Variants in PDP1 observed in about 807,000 individuals in gnomAD.
PDP1 encodes the protein pyruvate dehyrogenase phosphatase catalytic subunit 1.
In PDP1, 14 loss-of-function variants were observed where a neutral mutation model predicts 37.1. The observed-to-expected ratio is 0.38, with a 90% CI of 0.25 to 0.59. The LOEUF (loss-of-function observed/expected upper bound fraction) is 0.59, where lower values mean the gene tolerates loss of function less well. Ranked by LOEUF, PDP1 falls within the 20% of genes least tolerant of loss-of-function variation. PDP1 has a pLI of 0.67. For missense variants in PDP1, 544 were observed against 655.3 expected (o/e 0.83, Z 1.85); for synonymous variants, 251 against 243.3 (o/e 1.03, Z -0.29).
Position 93,922,170 on chromosome 8 carries a change from G to T in PDP1, c.111G>T (p.Ser37=), listed in dbSNP as rs761727112. ...ACAAACATCTCTGTTGTTCCTCATC[G>T]TACATTCCTCAGAGTCGACTGAGAT... ...CHHKHLCCSS[S]YIPQSRLRYT... The change falls in exon 2 of 2, where the codon TCG becomes TCT. Residue 37 remains serine (S), a synonymous_variant. Coordinates refer to ENST00000297598, the MANE Select transcript of PDP1 (RefSeq NM_018444.4). The surrounding 1 kb of genome is among the most constrained non-coding windows in gnomAD (Gnocchi z 4.0). The T allele has an allele frequency of 1.2e-6, 2 of 1,614,102 alleles. No individual in the cohort carries two copies. The highest frequency in any genetic ancestry group is 3.3e-5 in the Admixed American group (2 of 60,018).
At chr8:93,917,711 C>A in intron 1 of PDP1, 1 of 1,105,626 alleles carries the variant, frequency 9.0e-7, no homozygotes, top group South Asian at 1.5e-5. Context: ...ACCCCTTTAT[C>A]CCTCCTCCAT....
chr8:93,923,600 A>T lies in PDP1; in HGVS notation c.1541A>T (p.Tyr514Phe). ...CTTCCTGAAGAGCTTGCTCGAATGT[A>T]CAGAGATGACATTACAATCATTGTA... The part of the protein sequence containing the change: ...LSLPEELARM[Y>F]RDDITIIVVQ... Residue 514 changes from tyrosine (Y) to phenylalanine (F), a missense_variant, in exon 2 of 2, where the codon TAC (tyrosine) becomes TTC (phenylalanine). By Grantham distance (22) the Tyr-to-Phe change is conservative. Around this residue, in one of 5 missense-constraint regions of PDP1, gnomAD observed 159 missense variants for 165.5 expected, o/e 0.96. Coordinates refer to ENST00000297598, the MANE Select transcript of PDP1 (RefSeq NM_018444.4). The surrounding 1 kb of genome is among the most constrained non-coding windows in gnomAD (Gnocchi z 4.3). The T allele has an allele frequency of 6.2e-7, 1 of 1,614,198 alleles. No individual in the cohort carries two copies. Among genetic ancestry groups the T allele is most frequent in the Non-Finnish European group, 8.5e-7 (1 of 1,180,018 alleles).
chr8:93,923,863 C>A lies in PDP1; in HGVS notation c.*190C>A. ...CAGGGTCAGGAGAGTCTGGTCCTGC[C>A]TAGCTCAGATTTCATGGCACCTGCA... is the stretch of plus-strand genomic sequence containing the variant. On this transcript the variant is annotated 3_prime_UTR_variant, in exon 2 of 2. Coordinates refer to ENST00000297598, the MANE Select transcript of PDP1 (RefSeq NM_018444.4). The surrounding 1 kb of genome is among the most constrained non-coding windows in gnomAD (Gnocchi z 4.3). 1.7e-6 allele frequency: 1 copy of A among 589,290 alleles called. No individual in the cohort carries two copies. Among genetic ancestry groups the A allele is most frequent in the Non-Finnish European group, 3.1e-6 (1 of 318,690 alleles). The allele number at this position is 589,290 out of a possible 1,614,324, so 36.5% of individuals were successfully genotyped here.
rs777354361 is a variant in PDP1 at position 93,922,366 on chromosome 8, G to A, written c.307G>A (p.Gly103Ser). The A allele has an allele frequency of 3.0e-5, 49 of 1,613,982 alleles. No homozygotes were observed. Among genetic ancestry groups the A allele is most frequent in the South Asian group, 1.2e-4 (11 of 91,066 alleles). The stretch of plus-strand genomic sequence containing the variant: ...CAGTTTCAAAGTGCCAGAATTTGAC[G>A]GCAAAAATGTCAGTTCTATCCTTGG... ...EYSFKVPEFDGKNVSSILGFD... is the reference protein window; with the variant it reads ...EYSFKVPEFDSKNVSSILGFD... The change falls in exon 2 of 2, where the codon GGC (glycine) becomes AGC (serine). Residue 103 changes from glycine to serine, a missense_variant. By Grantham distance (56) the Gly-to-Ser change is moderately conservative (BLOSUM62 0). This residue lies in a region of PDP1 where 342 missense variants were observed against 414.0 expected (regional missense o/e 0.83). Coordinates refer to ENST00000297598, the MANE Select transcript of PDP1 (RefSeq NM_018444.4). This position sits in a 1 kb window ranked among gnomAD's most constrained non-coding sequence, Gnocchi z 4.0.
chr8:93,922,850 T>G lies in PDP1; in HGVS notation c.791T>G (p.Val264Gly). 6.2e-7 allele frequency: 1 copy of G among 1,614,236 alleles called. No individual in the cohort carries two copies. The highest frequency in any genetic ancestry group is 1.1e-5 in the South Asian group (1 of 91,086). Residue 264 changes from valine to glycine, a missense_variant, in exon 2 of 2, where the codon GTG (valine) becomes GGG (glycine). Coordinates refer to ENST00000297598, the MANE Select transcript of PDP1 (RefSeq NM_018444.4). The surrounding 1 kb of genome is among the most constrained non-coding windows in gnomAD (Gnocchi z 4.0). ...CCTAATTCTTTTCTCAACTACCTGGTGCTTCGAGTGGCATTTTCTGGAGCC... is the reference window on the plus strand; with the variant it reads ...CCTAATTCTTTTCTCAACTACCTGGGGCTTCGAGTGGCATTTTCTGGAGCC... Reference protein sequence around the residue: ...GDPNSFLNYLVLRVAFSGATA... With the variant: ...GDPNSFLNYLGLRVAFSGATA...
Position 93,922,497 on chromosome 8 carries a change from T to C in PDP1, c.438T>C (p.His146=). 1 of 1,614,112 alleles carries C rather than the reference T, an allele frequency of 6.2e-7. No homozygotes were observed. Among genetic ancestry groups the C allele is most frequent in the East Asian group, 2.2e-5 (1 of 44,890 alleles). ...RGMLLGVFDG[H]AGCACSQAVS... The stretch of plus-strand genomic sequence containing the variant: ...TGCTTTTGGGGGTTTTTGATGGCCA[T>C]GCAGGTTGTGCTTGTTCCCAGGCAG... Residue 146 remains histidine (H), a synonymous_variant, in exon 2 of 2, where the codon CAT becomes CAC. Transcript: ENST00000297598. This position sits in a 1 kb window ranked among gnomAD's most constrained non-coding sequence, Gnocchi z 4.0.
At position 93,922,106 on chromosome 8, in the gene PDP1, A is replaced by C; in HGVS notation, c.47A>C (p.Glu16Ala). Residue 16 changes from glutamate to alanine, a missense_variant, in exon 2 of 2, where the codon GAA (glutamate) becomes GCA (alanine). By Grantham distance (107) the Glu-to-Ala change is moderately radical. Around this residue, in one of 5 missense-constraint regions of PDP1, gnomAD observed 342 missense variants for 414.0 expected, o/e 0.83. Coordinates refer to ENST00000297598, the MANE Select transcript of PDP1 (RefSeq NM_018444.4). The surrounding 1 kb of genome is among the most constrained non-coding windows in gnomAD (Gnocchi z 4.0). ...QLFFPLIRNC[E>A]LSRIYGTACY... ...TTTTTTCCTCTCATCCGTAACTGTG[A>C]ACTGAGCAGGATCTATGGCACTGCA... 6.2e-7 allele frequency: 1 copy of C among 1,614,022 alleles called. No homozygotes were observed. The highest frequency in any genetic ancestry group is 8.5e-7 in the Non-Finnish European group (1 of 1,179,904).
In PDP1 at chr8:93,922,466, G is replaced by A. The variant is rs1258027306; in HGVS notation, c.407G>A (p.Arg136Lys). Residue 136 changes from arginine to lysine, a missense_variant, in exon 2 of 2, where the codon AGA (arginine) becomes AAA (lysine). Arg to Lys is a conservative substitution (Grantham distance 26, BLOSUM62 2). Transcript: ENST00000297598. This position sits in a 1 kb window ranked among gnomAD's most constrained non-coding sequence, Gnocchi z 4.0. Reference protein sequence around the residue: ...RRSAATCLQTRGMLLGVFDGH... With the variant: ...RRSAATCLQTKGMLLGVFDGH... Reference sequence around the variant, plus strand: ...AGTGCAGCAACCTGCTTGCAGACCAGAGGGATGCTTTTGGGGGTTTTTGAT... The same window carrying A: ...AGTGCAGCAACCTGCTTGCAGACCAAAGGGATGCTTTTGGGGGTTTTTGAT... 1 of 1,614,208 alleles carries A rather than the reference G, an allele frequency of 6.2e-7. No homozygotes were observed. Among genetic ancestry groups the A allele is most frequent in the Non-Finnish European group, 8.5e-7 (1 of 1,180,052 alleles).
rs911 is a variant in PDP1, at chr8:93,924,304, G to C, written c.*631G>C. 0.51 allele frequency: 85,845 copies of C among 166,862 alleles called. 23,486 individuals carry two copies. The highest frequency in any genetic ancestry group is 0.69 in the East Asian group (3,590 of 5,196). 10.3% of individuals were successfully genotyped at this position (166,862 alleles called of 1,614,324 possible). On this transcript the variant is annotated 3_prime_UTR_variant, in exon 2 of 2. Transcript: ENST00000297598. The stretch of plus-strand genomic sequence containing the variant: ...ACCCGATTTCCTAATGTAATTGAAA[G>C]ATTTTCTATTTTGCCACACACTTGG...
intron 1 of PDP1, chr8:93,920,813 T>A (rs1232947680): frequency 2.9e-6 from 2 of 694,892 alleles, no homozygotes; most frequent in African/African-American, 3.9e-5. Context: ...ATTATATATT[T>A]ATGGGGTACA....
At chr8:93,917,694 T>C in intron 1 of PDP1, 2 of 973,982 alleles carry the variant, frequency 2.1e-6, no homozygotes, top group Non-Finnish European at 3.0e-6. Flanking sequence ...GCTTCCTTGT[T>C]CTCTCCACCC....
Position 93,922,255 on chromosome 8 carries a change from A to G in PDP1, c.196A>G (p.Thr66Ala), listed in dbSNP as rs569067471. ...CRPKENWWQY[T>A]QGRRYASTPQ... The stretch of plus-strand genomic sequence containing the variant: ...GCCAAAGGAGAACTGGTGGCAGTAC[A>G]CCCAAGGAAGGAGATATGCTTCCAC... Residue 66 changes from threonine to alanine, a missense_variant, in exon 2 of 2, where the codon ACC (threonine) becomes GCC (alanine). This residue lies in a region of PDP1 where 342 missense variants were observed against 414.0 expected (regional missense o/e 0.83). Coordinates refer to ENST00000297598, the MANE Select transcript of PDP1 (RefSeq NM_018444.4). The surrounding 1 kb of genome is among the most constrained non-coding windows in gnomAD (Gnocchi z 4.0). 1 of 1,614,190 alleles carries G rather than the reference A, an allele frequency of 6.2e-7. No homozygotes were observed. The highest frequency in any genetic ancestry group is 8.5e-7 in the Non-Finnish European group (1 of 1,180,022).
At chr8:93,921,207 C>T in intron 1 of PDP1, 1 of 971,168 alleles carries the variant, frequency 1.0e-6, no homozygotes, top group Non-Finnish European at 1.2e-6. Flanking sequence ...AGCATCTGCT[C>T]TGTTGATGTT....
intron 1 of PDP1, chr8:93,920,913 G>A: frequency 1.0e-6 from 1 of 975,590 alleles, no homozygotes; most frequent in Non-Finnish European, 1.2e-6. Context: ...CATTTTTCTA[G>A]GGGTTAATTC....
intron 1 of PDP1, chr8:93,917,887 G>A: frequency 4.3e-6 from 7 of 1,614,010 alleles, no homozygotes; most frequent in Non-Finnish European, 5.9e-6. Context: ...TGTGGATGTT[G>A]TCGGCTCCGT....
In PDP1 at chr8:93,921,834, G is replaced by A. The variant is rs148386730; in HGVS notation, c.-44-182G>A. Reference sequence around the variant, plus strand: ...GTGGTTCCACGAATGATTGGGAGTTGTGCCTGCCAGAATATACCCTGTAGA... The same window carrying A: ...GTGGTTCCACGAATGATTGGGAGTTATGCCTGCCAGAATATACCCTGTAGA... On this transcript the variant is annotated intron_variant, in intron 1 of 1. Transcript: ENST00000297598. 2.6e-4 allele frequency: 134 copies of A among 524,108 alleles called. 2 individuals are homozygous for A. In the South Asian group the frequency reaches 2.8e-3, roughly 11 times the overall value. 32.5% of individuals were successfully genotyped at this position (524,108 alleles called of 1,614,324 possible).
chr8:93,918,574 T>TAC (rs1810160650), intron 1 of PDP1, among the ~76,000 whole-genome samples: 1 of 152,226 alleles, frequency 6.6e-6, no homozygotes, highest in Non-Finnish European at 1.5e-5. Context: ...ATGAAGATGC[T>TAC]ACATACAACG....
Position 93,916,960 on chromosome 8 carries a change from C to A in PDP1, c.-164C>A, listed in dbSNP as rs777681394. On this transcript the variant is annotated 5_prime_UTR_variant, in exon 1 of 2. Coordinates refer to ENST00000297598, the MANE Select transcript of PDP1 (RefSeq NM_018444.4). ...CGGTAGGGGAGCAGAGTGGGCAGGC[C>A]GGGGGTGAGGGCTCGCGCTCCGGGA... 5 of 453,490 alleles carry A rather than the reference C, an allele frequency of 1.1e-5. No homozygotes were observed. In the Admixed American group the frequency reaches 1.2e-4, roughly 11 times the overall value. 28.1% of individuals were successfully genotyped at this position (453,490 alleles called of 1,614,324 possible). A position where few individuals can be genotyped will look rare whatever the true frequency, so the allele number is the denominator to read the frequency against.
At chr8:93,919,123 T>C (rs1202127440) in intron 1 of PDP1, 1 of 980,866 alleles carries the variant, frequency 1.0e-6, no homozygotes, top group East Asian at 1.1e-4. Context: ...AAAAATGTAG[T>C]GGAGAATTTG....
Sources: allele counts gnomAD v4.1 joint callset (sites outside exome capture counted in the v4.1 genomes callset), GRCh38; gene constraint gnomAD v4.1.1; regional missense constraint gnomAD v4.1.1; non-coding constraint Gnocchi (gnomAD v3.1); transcripts MANE v1.5; gene names NCBI Gene and HGNC (gene_info 2026-07-23, HGNC 2026-07-21).